The following NRG3 variants were observed in gnomAD, a reference collection of about 807,000 sequenced individuals.
NRG3 encodes the protein pro-neuregulin-3, membrane-bound isoform.
Under a neutral mutation model 66.9 loss-of-function variants are expected in NRG3, and 31 were observed. The ratio of observed to expected loss-of-function variants is 0.46; its 90% CI spans 0.35 to 0.63. The LOEUF (loss-of-function observed/expected upper bound fraction) is 0.63, where lower values mean the gene tolerates loss of function less well. Ranked by LOEUF, NRG3 falls within the 20% of genes least tolerant of loss-of-function variation. The pLI, the probability that NRG3 is intolerant of heterozygous loss-of-function variation, is 0.00. For missense variants in NRG3, 910 were observed against 878.9 expected (o/e 1.04, Z -0.45); for synonymous variants, 393 against 359.4 (o/e 1.09, Z -1.06).
chr10:82,768,676 A>G (rs565465658), intron 3 of NRG3, among the ~76,000 whole-genome samples: 1 of 152,274 alleles, frequency 6.6e-6, no homozygotes, highest in African/African-American at 2.4e-5. Context: ...ATAGCAATTC[A>G]TGTTATTAAC....
At chr10:82,109,477 T>A (rs1032059081) in intron 1 of NRG3, among the ~76,000 whole-genome samples, 5 of 151,974 alleles carry the variant, frequency 3.3e-5, no homozygotes, top group Admixed American at 6.6e-5. Flanking sequence ...TAGTTAAAGA[T>A]TCCAAGGTTT....
chr10:82,294,594 A>G (rs1287069224), intron 1 of NRG3, among the ~76,000 whole-genome samples: 1 of 152,110 alleles, frequency 6.6e-6, no homozygotes, highest in Non-Finnish European at 1.5e-5. Context: ...TTACATATAA[A>G]GACAATGCAC....
At chr10:82,095,117 A>G (rs1197374112) in intron 1 of NRG3, among the ~76,000 whole-genome samples, 4 of 152,098 alleles carry the variant, frequency 2.6e-5, no homozygotes, top group African/African-American at 9.7e-5. Flanking sequence ...TGAAATTTGG[A>G]TGCTTTTGGG....
intron 1 of NRG3, among the ~76,000 whole-genome samples, chr10:81,975,384 T>C (rs1045365420): frequency 6.6e-6 from 1 of 151,874 alleles, no homozygotes; most frequent in African/African-American, 2.4e-5. Context: ...TATTCATCCA[T>C]CCATCCATCC....
At chr10:82,227,545 A>C (rs562888893) in intron 1 of NRG3, among the ~76,000 whole-genome samples, 233 of 152,206 alleles carry the variant, frequency 1.5e-3, no homozygotes, top group African/African-American at 5.1e-3. Flanking sequence ...AGAGACATGA[A>C]ATGTATTTGA....
chr10:82,187,816 A>G (rs1332039766), intron 1 of NRG3, among the ~76,000 whole-genome samples: 1 of 152,156 alleles, frequency 6.6e-6, no homozygotes, highest in African/African-American at 2.4e-5. Context: ...CTGAATGTAC[A>G]TTTTCAGAAT....
intron 2 of NRG3, among the ~76,000 whole-genome samples, chr10:82,462,163 A>G (rs1178277885): frequency 6.6e-6 from 1 of 152,044 alleles, no homozygotes; most frequent in Non-Finnish European, 1.5e-5. Context: ...AAATCTATCT[A>G]TCTATCTATC....
intron 2 of NRG3, among the ~76,000 whole-genome samples, chr10:82,495,643 T>C (rs1022314517): frequency 6.6e-6 from 1 of 152,116 alleles, no homozygotes; most frequent in African/African-American, 2.4e-5. Context: ...AAGGGTCTTC[T>C]TTACAAAATT....
intron 1 of NRG3, among the ~76,000 whole-genome samples, chr10:82,202,822 C>T (rs568424155): frequency 2.4e-4 from 36 of 152,102 alleles, no homozygotes; most frequent in African/African-American, 4.1e-4. Flanking sequence ...AAAGGAGGGA[C>T]GTGGGAAGAT....
intron 2 of NRG3, among the ~76,000 whole-genome samples, chr10:82,648,809 T>C (rs2051170662): frequency 1.3e-5 from 2 of 152,310 alleles, no homozygotes; most frequent in Admixed American, 1.3e-4. Flanking sequence ...TCTCTGTTTG[T>C]CTGTTACTGG....
chr10:82,670,790 C>A (rs541633895), intron 2 of NRG3, among the ~76,000 whole-genome samples: 2 of 152,252 alleles, frequency 1.3e-5, no homozygotes, highest in African/African-American at 4.8e-5. Context: ...CCAAAGTTAG[C>A]AGAGACTGGG....
chr10:82,563,231 C>T (rs76043061), intron 2 of NRG3, among the ~76,000 whole-genome samples: 3,963 of 152,096 alleles, frequency 0.026, 85 homozygotes, highest in African/African-American at 0.061. Context: ...TATGACATTT[C>T]CTATTCATTT....
At chr10:82,541,573 C>T (rs1187498658) in intron 2 of NRG3, among the ~76,000 whole-genome samples, 1 of 152,182 alleles carries the variant, frequency 6.6e-6, no homozygotes, top group Non-Finnish European at 1.5e-5. Context: ...GGGATTTTCA[C>T]AGTGCTTTTC....
At chr10:82,644,398 T>G (rs1214952972) in intron 2 of NRG3, among the ~76,000 whole-genome samples, 1 of 152,190 alleles carries the variant, frequency 6.6e-6, no homozygotes, top group Admixed American at 6.5e-5. Context: ...TCTATGCTTA[T>G]TTTCTTTTAT....
intron 2 of NRG3, among the ~76,000 whole-genome samples, chr10:82,646,289 A>T (rs2050926328): frequency 6.6e-6 from 1 of 152,136 alleles, no homozygotes; most frequent in Non-Finnish European, 1.5e-5. Context: ...TAAGATGGAG[A>T]TGGAACTTAT....
intron 1 of NRG3, among the ~76,000 whole-genome samples, chr10:82,223,750 A>G (rs2076050485): frequency 1.3e-5 from 2 of 150,946 alleles, no homozygotes; most frequent in South Asian, 4.2e-4. Flanking sequence ...ACAGACACAC[A>G]CTCCACGTGT....
intron 2 of NRG3, among the ~76,000 whole-genome samples, chr10:82,614,658 C>T (rs1213109837): frequency 6.6e-6 from 1 of 152,048 alleles, no homozygotes; most frequent in Non-Finnish European, 1.5e-5. Context: ...GTAATAGAAG[C>T]AAGATTCAAA....
Position 82,550,841 on chromosome 10 carries a change from A to C in NRG3, c.954-187736A>C, listed in dbSNP as rs530288238. On this transcript the variant is annotated intron_variant, in intron 2 of 8. Transcript: ENST00000372141. ...GCTAACATTCTATATCAGAAAATCC[A>C]GTACCTACGCCCAACTTCTTCACTC... 8.5e-5 allele frequency among the ~76,000 whole-genome samples: 13 copies of C among 152,264 alleles called. No homozygotes were observed. In the South Asian group the frequency reaches 2.7e-3, roughly 32 times the overall value.
intron 2 of NRG3, among the ~76,000 whole-genome samples, chr10:82,427,426 C>A (rs1204086021): frequency 1.3e-5 from 2 of 152,070 alleles, no homozygotes; most frequent in Non-Finnish European, 2.9e-5. Flanking sequence ...TTTCTACTAT[C>A]ATGGAGATTA....
Sources: allele counts gnomAD v4.1 joint callset (sites outside exome capture counted in the v4.1 genomes callset), GRCh38; gene constraint gnomAD v4.1.1; transcripts MANE v1.5; gene names NCBI Gene and HGNC (gene_info 2026-07-23, HGNC 2026-07-21).